The following TFR2 variants were observed in gnomAD, a reference collection of about 807,000 sequenced individuals.
TFR2 encodes the protein transferrin receptor 2.
Under a neutral mutation model 91.9 loss-of-function variants are expected in TFR2, and 64 were observed. The ratio of observed to expected loss-of-function variants is 0.70; its 90% CI spans 0.57 to 0.86. The LOEUF is 0.86. Ranked by LOEUF, TFR2 falls within the 40% of genes least tolerant of loss-of-function variation. The probability of loss-of-function intolerance (pLI) is 0.00; values close to 1 mark genes in which losing one functional copy is unlikely to be tolerated. For missense variants in TFR2, 950 were observed against 1,080.5 expected (o/e 0.88, Z 1.69); for synonymous variants, 454 against 459.6 (o/e 0.99, Z 0.15).
At chr7:100,639,171 A>G (rs1388333916) in intron 3 of TFR2, among the ~76,000 whole-genome samples, 3 of 152,106 alleles carry the variant, frequency 2.0e-5, no homozygotes, top group Admixed American at 2.0e-4. Context: ...TTGGAGACCA[A>G]CCTGGGCAAC....
Position 100,631,931 on chromosome 7 carries a change from A to G in TFR2, c.981T>C (p.Thr327=). 6.2e-7 allele frequency: 1 copy of G among 1,613,936 alleles called. No individual in the cohort carries two copies. The highest frequency in any genetic ancestry group is 8.5e-7 in the Non-Finnish European group (1 of 1,179,922). ...QAVYGHVHLG[T]GDPYTPGFPS... The stretch of plus-strand genomic sequence containing the variant: ...GGAAGCCAGGTGTGTAGGGGTCTCC[A>G]GTTCCCAGGTGCACCTGCAGGGAAA... Residue 327 remains threonine (T), a synonymous_variant, in exon 8 of 18, where the codon ACT becomes ACC. Transcript: ENST00000223051.
At chr7:100,630,203 T>TCTTCCTTCCTTC (rs56033226) in intron 9 of TFR2, among the ~76,000 whole-genome samples, 3,175 of 149,740 alleles carry the variant, frequency 0.021, 51 homozygotes, top group African/African-American at 0.023. Flanking sequence ...CATGCTTGAG[T>TCTTCCTTCCTTC]CTTCCTTCCT....
chr7:100,624,406 T>G (rs1215202278), intron 17 of TFR2, among the ~76,000 whole-genome samples: 1 of 152,218 alleles, frequency 6.6e-6, no homozygotes, highest in Non-Finnish European at 1.5e-5. Flanking sequence ...CAAGTCACAG[T>G]CTAAAGCCAA....
chr7:100,641,260 CA>C, intron 1 of TFR2, 32 bp from the exon 2 acceptor site: 1 of 1,526,228 alleles, frequency 6.6e-7, no homozygotes, highest in Non-Finnish European at 8.8e-7. Context: ...GAGATTGGGG[CA>C]AGAGGCCTGG....
intron 10 of TFR2, among the ~76,000 whole-genome samples, chr7:100,628,773 C>CT (rs1263671718): frequency 1.3e-5 from 2 of 149,996 alleles, no homozygotes; most frequent in African/African-American, 4.9e-5. Flanking sequence ...CTTTTCTTTT[C>CT]TTTCTTTTTT....
chr7:100,631,305 CTTTTTTTTTTTT>C (rs542161282), intron 8 of TFR2, among the ~76,000 whole-genome samples: 150 of 95,700 alleles, frequency 1.6e-3, no homozygotes, highest in Non-Finnish European at 4.8e-4. Flanking sequence ...AGAAGAGTCA[CTTTTTTTTTTTT>C]TTTTTTTTTT....
rs80338884 is a variant in TFR2 at position 100,629,313 on chromosome 7, C to T, written c.1330G>A (p.Ala444Thr). ...TCCAGGAGTATAGCCGTCCCCACAG[C>T]GGATTTAGCTGCTCCTGGGCCCCAT... ...DAWGPGAAKS[A>T]VGTAILLELV... is the part of the protein sequence containing the mutation. The change falls in exon 10 of 18, where the codon GCT becomes ACT. Residue 444 changes from alanine to threonine, a missense_variant. By Grantham distance (58) the Ala-to-Thr change is moderately conservative. Coordinates refer to ENST00000223051, the MANE Select transcript of TFR2 (RefSeq NM_003227.4). The T allele has an allele frequency of 2.5e-6, 4 of 1,614,010 alleles. No homozygotes were observed. Among genetic ancestry groups the T allele is most frequent in the Admixed American group, 1.7e-5 (1 of 60,000 alleles).
chr7:100,637,981 G>A (rs1308341700), intron 3 of TFR2, among the ~76,000 whole-genome samples: 4 of 151,758 alleles, frequency 2.6e-5, no homozygotes, highest in African/African-American at 4.8e-5. Flanking sequence ...ACAGGCATGC[G>A]CCACTACGCC....
rs370005636 is a variant in TFR2 at position 100,630,919 on chromosome 7, A to T, written c.1240T>A (p.Phe414Ile). The T allele has an allele frequency of 6.2e-7, 1 of 1,613,064 alleles. No individual in the cohort carries two copies. The highest frequency in any genetic ancestry group is 1.3e-5 in the African/African-American group (1 of 74,896). ...TCTGAGCGGCCTTCGATGCAGCCGA[A>T]GATGTTGTTGATGGGGGTGGAGGTC... Reference protein sequence around the residue: ...HRTSTPINNIFGCIEGRSEPD... With the variant: ...HRTSTPINNIIGCIEGRSEPD... The change falls in exon 9 of 18, where the codon TTC becomes ATC. Residue 414 changes from phenylalanine to isoleucine, a missense_variant. Phe to Ile is a conservative substitution (Grantham distance 21). Coordinates refer to ENST00000223051, the MANE Select transcript of TFR2 (RefSeq NM_003227.4).
In TFR2 at chr7:100,620,970, T is replaced by A. The variant is rs753342207; in HGVS notation, c.2293A>T (p.Thr765Ser). 4 of 1,612,818 alleles carry A rather than the reference T, an allele frequency of 2.5e-6. No homozygotes were observed. Among genetic ancestry groups the A allele is most frequent in the Middle Eastern group, 1.7e-4 (1 of 5,878 alleles). ...CGGAAACGGCTCTCCTGGAAGCCAGTGGAGGAGGTGGCCCCGGGGGTCCCG... is the reference window on the plus strand; with the variant it reads ...CGGAAACGGCTCTCCTGGAAGCCAGAGGAGGAGGTGGCCCCGGGGGTCCCG... ...SSGTPGATSS[T>S]GFQESRFRRQ... is the part of the protein sequence containing the mutation. The change falls in exon 18 of 18, where the codon ACT (threonine) becomes TCT (serine). Residue 765 changes from threonine to serine, a missense_variant. Coordinates refer to ENST00000223051, the MANE Select transcript of TFR2 (RefSeq NM_003227.4).
intron 3 of TFR2, among the ~76,000 whole-genome samples, chr7:100,635,999 C>T (rs1258191906): frequency 6.6e-6 from 1 of 152,132 alleles, no homozygotes. Flanking sequence ...GGATTGTAAG[C>T]ACCATGAGAA....
rs1562835202 is a variant in TFR2 at position 100,621,215 on chromosome 7, GTTTT to G, written c.2137-93_2137-90del. 6 of 1,379,530 alleles carry G rather than the reference GTTTT, an allele frequency of 4.3e-6. No individual in the cohort carries two copies. In the African/African-American group the frequency reaches 7.3e-5, roughly 17 times the overall value. 85.5% of individuals were successfully genotyped at this position (1,379,530 alleles called of 1,614,324 possible). On this transcript the variant is annotated intron_variant, in intron 17 of 17. Coordinates refer to ENST00000223051, the MANE Select transcript of TFR2 (RefSeq NM_003227.4). Reference sequence around the variant, plus strand: ...ACCCTTCCCGCCAGCCAGTCTTTTTGTTTTTTTGTTTGTTTGTTTTCTTTTTGTG... The same window carrying G: ...ACCCTTCCCGCCAGCCAGTCTTTTTGTTTGTTTGTTTGTTTTCTTTTTGTG...
chr7:100,638,522 G>A (rs1301665765), intron 3 of TFR2, among the ~76,000 whole-genome samples: 1 of 151,334 alleles, frequency 6.6e-6, no homozygotes, highest in East Asian at 2.0e-4. Context: ...GGCCGTGGTG[G>A]GTGGATCATC....
intron 8 of TFR2, 154 bp downstream of exon 8, chr7:100,631,652 G>C (rs1803438672): frequency 1.0e-6 from 1 of 995,404 alleles, no homozygotes; most frequent in African/African-American, 1.6e-5. Context: ...GGGTCTCTCT[G>C]TCTCCCAGGC....
Position 100,620,570 on chromosome 7 carries a change from C to G in TFR2, c.*287G>C. ...CCTAGCAAACCTCCCAGAGTGGTCT[C>G]TAGGTATGGAGGACCCCAGAAAGGG... On this transcript the variant is annotated 3_prime_UTR_variant, in exon 18 of 18. Coordinates refer to ENST00000223051, the MANE Select transcript of TFR2 (RefSeq NM_003227.4). The G allele has an allele frequency of 2.6e-6, 1 of 387,026 alleles. No individual in the cohort carries two copies. Among genetic ancestry groups the G allele is most frequent in the Non-Finnish European group, 4.8e-6 (1 of 207,538 alleles). 24.0% of individuals were successfully genotyped at this position (387,026 alleles called of 1,614,324 possible). A position where few individuals can be genotyped will look rare whatever the true frequency, so the allele number is the denominator to read the frequency against.
intron 3 of TFR2, among the ~76,000 whole-genome samples, chr7:100,636,342 A>C (rs541424527): frequency 1.3e-5 from 2 of 151,406 alleles, no homozygotes; most frequent in South Asian, 4.2e-4. Context: ...CACCCAGTTA[A>C]TTTTTGTATT....
chr7:100,631,644 G>T (rs1030141751), intron 8 of TFR2, 162 bp downstream of exon 8: 1 of 935,784 alleles, frequency 1.1e-6, no homozygotes, highest in Non-Finnish European at 1.5e-6. Context: ...AAAGGTCAGG[G>T]TCTCTCTGTC....
At chr7:100,629,194 C>T (rs1803356956) in intron 10 of TFR2, 59 bp downstream of exon 10, 1 of 1,606,626 alleles carries the variant, frequency 6.2e-7, no homozygotes, top group Admixed American at 1.7e-5. Context: ...GCCCTATCCT[C>T]CTCGGGCCAC....
intron 3 of TFR2, among the ~76,000 whole-genome samples, chr7:100,634,672 C>A (rs1295494845): frequency 6.6e-6 from 1 of 152,206 alleles, no homozygotes; most frequent in Non-Finnish European, 1.5e-5. Context: ...CAGTAAGGCC[C>A]TTTAGGGCCT....
Sources: allele counts gnomAD v4.1 joint callset (sites outside exome capture counted in the v4.1 genomes callset), GRCh38; gene constraint gnomAD v4.1.1; transcripts MANE v1.5; gene names NCBI Gene and HGNC (gene_info 2026-07-23, HGNC 2026-07-21).